The following RPH3AL variants were observed in gnomAD, a reference collection of about 807,000 sequenced individuals.
RPH3AL encodes the protein rab effector Noc2.
RPH3AL carries 38 observed loss-of-function variants against 43.1 expected under a neutral mutation model. The ratio of observed to expected loss-of-function variants is 0.88; its 90% confidence interval spans 0.68 to 1.15. The LOEUF is 1.15. Among genes scored for constraint, RPH3AL ranks in the 50% most tolerant of loss-of-function variants. The pLI is 0.00. For missense variants in RPH3AL, 462 were observed against 423.2 expected (o/e 1.09, Z -0.81); for synonymous variants, 189 against 176.3 (o/e 1.07, Z -0.57).
chr17:315,121 T>C (rs1023339102), intron 5 of RPH3AL, among the ~76,000 whole-genome samples: 2 of 22,664 alleles, frequency 8.8e-5, no homozygotes, highest in Admixed American at 4.7e-4. Context: ...TCCATTGACC[T>C]GTAGTCTCTG....
chr17:291,006 C>T (rs921005794), intron 5 of RPH3AL, among the ~76,000 whole-genome samples: 5 of 152,102 alleles, frequency 3.3e-5, no homozygotes, highest in East Asian at 1.9e-4. Flanking sequence ...GTTCATGAGC[C>T]TCACTCGACC....
chr17:236,714 A>C (rs1366802891), intron 7 of RPH3AL, among the ~76,000 whole-genome samples: 2 of 152,210 alleles, frequency 1.3e-5, no homozygotes, highest in Non-Finnish European at 2.9e-5. Context: ...AACCTTCCTC[A>C]GTGGTCTGGC....
At chr17:315,165 C>A (rs71278595) in intron 5 of RPH3AL, among the ~76,000 whole-genome samples, 6 of 2,548 alleles carry the variant, frequency 2.4e-3, no homozygotes, top group Admixed American at 0.011. Context: ...GTCCCTGTGC[C>A]CCCACCTCCA....
At position 273,564 on chromosome 17, in the gene RPH3AL, AGCGAGGGTGACGTCAGGGTGAGACCCCG is replaced by A. The variant is rs1283334147; in HGVS notation, c.438+8176_438+8203del. 6.6e-4 allele frequency among the ~76,000 whole-genome samples: 79 copies of A among 120,370 alleles called. 38 individuals are homozygous for A. The highest frequency in any genetic ancestry group is 9.7e-4 in the African/African-American group (30 of 30,952). The allele number at this position is 120,370 out of a possible 152,430, so 79.0% of individuals were successfully genotyped here. A position where few individuals can be genotyped will look rare whatever the true frequency, so the allele number is the denominator to read the frequency against. ...GAGGGTGACGTCAGGGAGAGACCCC[AGCGAGGGTGACGTCAGGGTGAGACCCCG>A]GCGAGGGCGACGTCAGGAAGAGACC... On this transcript the variant is annotated intron_variant, in intron 6 of 9. Transcript: ENST00000331302.
At position 285,963 on chromosome 17, in the gene RPH3AL, G is replaced by A. The variant is rs570266742; in HGVS notation, c.352-4109C>T. ...TGAGGGGCACAGGCCTGGCGTGACA[G>A]GACACGGATGAACAGGGTGGGGCCC... On this transcript the variant is annotated intron_variant, in intron 5 of 9. Coordinates refer to ENST00000331302, the MANE Select transcript of RPH3AL (RefSeq NM_006987.4). 5.3e-5 allele frequency among the ~76,000 whole-genome samples: 8 copies of A among 152,334 alleles called. No homozygotes were observed. In the East Asian group the frequency reaches 1.5e-3, roughly 29 times the overall value.
intron 7 of RPH3AL, among the ~76,000 whole-genome samples, chr17:240,105 T>C (rs977909385): frequency 2.0e-5 from 3 of 151,778 alleles, no homozygotes; most frequent in African/African-American, 7.3e-5. Context: ...GGCGTGGTGG[T>C]GCAAGCCTGT....
chr17:257,215 A>G (rs371230900), intron 6 of RPH3AL, among the ~76,000 whole-genome samples: 190 of 13,616 alleles, frequency 0.014, 2 homozygotes, highest in East Asian at 0.023. Context: ...GTCCTTTTCC[A>G]TCCCTAGGAA....
intron 6 of RPH3AL, among the ~76,000 whole-genome samples, chr17:253,580 C>A (rs564469252): frequency 6.6e-6 from 1 of 152,258 alleles, no homozygotes; most frequent in Non-Finnish European, 1.5e-5. Flanking sequence ...AACCCATCTC[C>A]AGAACTTGCC....
At chr17:272,979 A>ACGGCGACATCAGGAAGAGACCCCAGCG (rs1567604413) in intron 6 of RPH3AL, among the ~76,000 whole-genome samples, 1 of 42,650 alleles carries the variant, frequency 2.3e-5, no homozygotes, top group African/African-American at 7.7e-5. Context: ...AGACCCCAGC[A>ACGGCGACATCAGGAAGAGACCCCAGCG]AGGGCTACGT....
Position 309,612 on chromosome 17 carries a change from C to T in RPH3AL, c.351+9808G>A, listed in dbSNP as rs1230967004. Among the ~76,000 whole-genome samples, 47 of 85,550 alleles carry T rather than the reference C, an allele frequency of 5.5e-4. 3 individuals are homozygous for T. The highest frequency in any genetic ancestry group is 9.1e-4 in the South Asian group (2 of 2,198). 56.1% of individuals were successfully genotyped at this position (85,550 alleles called of 152,430 possible). ...TCCTGCCAGCCTCCTGCTGGGGGTC[C>T]AGGATATGGCACATCCCCCGTCCAG... On this transcript the variant is annotated intron_variant, in intron 5 of 9. Coordinates refer to ENST00000331302, the MANE Select transcript of RPH3AL (RefSeq NM_006987.4).
At position 272,762 on chromosome 17, in the gene RPH3AL, T is replaced by TCACACACACACA. The variant is rs71143491; in HGVS notation, c.438+8994_438+9005dup. Among the ~76,000 whole-genome samples, 437 of 145,846 alleles carry TCACACACACACA rather than the reference T, an allele frequency of 3.0e-3. 6 individuals carry two copies. Among genetic ancestry groups the TCACACACACACA allele is most frequent in the Middle Eastern group, 0.017 (5 of 286 alleles). On this transcript the variant is annotated intron_variant, in intron 6 of 9. Transcript: ENST00000331302. ...CCTAGAACTTAAAGTATTATTTAAG[T>TCACACACACACA]CACACACACACACACACACACACAC...
At chr17:242,190 C>G (rs2041556555) in intron 7 of RPH3AL, among the ~76,000 whole-genome samples, 1 of 152,204 alleles carries the variant, frequency 6.6e-6, no homozygotes, top group Non-Finnish European at 1.5e-5. Flanking sequence ...AAACATCAAC[C>G]CTTTCACCTG....
At chr17:248,063 G>C (rs920358485) in intron 6 of RPH3AL, among the ~76,000 whole-genome samples, 2 of 152,020 alleles carry the variant, frequency 1.3e-5, no homozygotes, top group Non-Finnish European at 2.9e-5. Flanking sequence ...ACCTTCTCTT[G>C]CTGGCCCAAG....
intron 2 of RPH3AL, chr17:332,279 C>A (rs73971745): frequency 3.9e-6 from 1 of 255,396 alleles, no homozygotes; most frequent in Non-Finnish European, 7.7e-6. Context: ...GAAGGAGGAG[C>A]GTGTGTGTGT....
intron 5 of RPH3AL, among the ~76,000 whole-genome samples, chr17:284,255 T>C (rs933618357): frequency 2.0e-5 from 3 of 152,008 alleles, no homozygotes; most frequent in Non-Finnish European, 4.4e-5. Flanking sequence ...CCCCACTATA[T>C]AGATGAAGGA....
chr17:327,913 T>C (rs1483480827), intron 2 of RPH3AL, among the ~76,000 whole-genome samples: 1 of 152,152 alleles, frequency 6.6e-6, no homozygotes, highest in Non-Finnish European at 1.5e-5. Context: ...GGAGGCCATC[T>C]GCTCCCTGCC....
chr17:241,038 A>C (rs569725621), intron 7 of RPH3AL, among the ~76,000 whole-genome samples: 1 of 149,550 alleles, frequency 6.7e-6, no homozygotes, highest in Non-Finnish European at 1.5e-5. Flanking sequence ...GCCTGGCGAC[A>C]GAGTGAGACT....
intron 5 of RPH3AL, among the ~76,000 whole-genome samples, chr17:291,389 A>T (rs2043045339): frequency 6.6e-6 from 1 of 151,978 alleles, no homozygotes; most frequent in African/African-American, 2.4e-5. Context: ...ATCTCATTTT[A>T]AAAAATAATA....
At chr17:331,535 C>T (rs1442413739) in intron 2 of RPH3AL, 6 of 1,240,200 alleles carry the variant, frequency 4.8e-6, no homozygotes, top group African/African-American at 4.6e-5. Flanking sequence ...GTCCTTCACT[C>T]GCACGGAGCA....
Sources: gnomAD v4.1 joint callset for allele counts (sites outside exome capture counted in the v4.1 genomes callset) on GRCh38, gnomAD v4.1.1 for gene constraint, MANE v1.5 for transcripts, NCBI Gene and HGNC (gene_info 2026-07-23, HGNC 2026-07-21) for gene names.